Variants in EYA1 observed in about 807,000 individuals in gnomAD.
EYA1 encodes EYA transcriptional coactivator and phosphatase 1.
A neutral mutation model predicts 82.0 loss-of-function variants in EYA1; 16 were observed. The observed-to-expected ratio is 0.20, with a 90% CI of 0.13 to 0.30. The LOEUF (loss-of-function observed/expected upper bound fraction) is 0.30, where lower values mean the gene tolerates loss of function less well. Ranked by LOEUF, EYA1 falls within the 10% of genes least tolerant of loss-of-function variation. The pLI, the probability that EYA1 is intolerant of heterozygous loss-of-function variation, is 1.00. For missense variants in EYA1, 633 were observed against 730.7 expected (o/e 0.87, Z 1.54); for synonymous variants, 261 against 264.4 (o/e 0.99, Z 0.12).
chr8:71,477,756 T>A (rs1031971730), intron 2 of EYA1, among the ~76,000 whole-genome samples: 21 of 152,130 alleles, frequency 1.4e-4, no homozygotes, highest in African/African-American at 4.8e-4. Context: ...GAAAACACAT[T>A]TTTACAACAT....
chr8:71,470,985 G>A (rs1381981814), intron 2 of EYA1: 1 of 421,874 alleles, frequency 2.4e-6, no homozygotes, highest in Non-Finnish European at 4.6e-6. Flanking sequence ...AGACATTTAT[G>A]TTTATTTTCC....
intron 3 of EYA1, among the ~76,000 whole-genome samples, chr8:71,343,253 G>T (rs995392260): frequency 3.9e-5 from 6 of 152,068 alleles, no homozygotes; most frequent in Admixed American, 3.3e-4. Context: ...TTTTGGAGCT[G>T]GTGCTATATT....
chr8:71,239,451 A>C (rs190812365), intron 12 of EYA1, among the ~76,000 whole-genome samples: 225 of 152,350 alleles, frequency 1.5e-3, no homozygotes, highest in African/African-American at 5.1e-3. Context: ...TTCATGGTCA[A>C]CATATATAAG....
At chr8:71,543,052 A>T (rs1276048577) in intron 1 of EYA1, among the ~76,000 whole-genome samples, 1 of 152,112 alleles carries the variant, frequency 6.6e-6, no homozygotes, top group Non-Finnish European at 1.5e-5. Context: ...GAAGCTCTCT[A>T]GATCCCACTT....
chr8:71,227,519 T>A (rs1810699691), intron 12 of EYA1, among the ~76,000 whole-genome samples: 1 of 152,114 alleles, frequency 6.6e-6, no homozygotes, highest in Non-Finnish European at 1.5e-5. Context: ...CTGCAACGGC[T>A]TTCTTTTAAC....
At chr8:71,509,193 C>T (rs1301848022) in intron 2 of EYA1, among the ~76,000 whole-genome samples, 2 of 152,030 alleles carry the variant, frequency 1.3e-5, no homozygotes, top group Non-Finnish European at 2.9e-5. Context: ...CACGACACTG[C>T]ACTGCAGCCT....
intron 11 of EYA1, among the ~76,000 whole-genome samples, chr8:71,247,572 C>T (rs1585984508): frequency 6.6e-6 from 1 of 152,020 alleles, no homozygotes; most frequent in South Asian, 2.1e-4. Context: ...TTTTAATACA[C>T]CTGAAATCTA....
At chr8:71,525,201 C>G (rs969361245) in intron 2 of EYA1, among the ~76,000 whole-genome samples, 1 of 152,182 alleles carries the variant, frequency 6.6e-6, no homozygotes, top group Non-Finnish European at 1.5e-5. Flanking sequence ...CAAACCCACT[C>G]TCCCTCCTCT....
chr8:71,252,227 G>A (rs1813835629), intron 11 of EYA1, among the ~76,000 whole-genome samples: 1 of 151,872 alleles, frequency 6.6e-6, no homozygotes, highest in Non-Finnish European at 1.5e-5. Flanking sequence ...CCAGATGAAG[G>A]CATTGTTGTT....
chr8:71,406,518 C>T (rs1451400375), intron 2 of EYA1, among the ~76,000 whole-genome samples: 1 of 152,188 alleles, frequency 6.6e-6, no homozygotes, highest in Non-Finnish European at 1.5e-5. Context: ...TGGGTGTGTG[C>T]ACCGTGTGCG....
chr8:71,210,078 C>T (rs959664089), intron 17 of EYA1, among the ~76,000 whole-genome samples: 2 of 152,120 alleles, frequency 1.3e-5, no homozygotes, highest in East Asian at 1.9e-4. Context: ...TTACTATCCC[C>T]ATTTATAGAC....
At chr8:71,269,686 T>C in intron 11 of EYA1, 54 bp downstream of exon 11, 1 of 1,243,610 alleles carries the variant, frequency 8.0e-7, no homozygotes, top group South Asian at 1.3e-5. Context: ...AATAAACAAA[T>C]TAGAGGTATA....
At chr8:71,254,762 T>C (rs1814192218) in intron 11 of EYA1, among the ~76,000 whole-genome samples, 1 of 152,132 alleles carries the variant, frequency 6.6e-6, no homozygotes, top group Admixed American at 6.5e-5. Context: ...GCGTCAAAGT[T>C]GTAAAAGAAG....
intron 9 of EYA1, among the ~76,000 whole-genome samples, chr8:71,279,551 G>A (rs980692284): frequency 6.6e-5 from 10 of 152,266 alleles, no homozygotes; most frequent in Non-Finnish European, 1.2e-4. Context: ...TACATCCATT[G>A]GGCATATTTT....
At chr8:71,294,587 C>A (rs1026797026) in intron 9 of EYA1, among the ~76,000 whole-genome samples, 1 of 152,122 alleles carries the variant, frequency 6.6e-6, no homozygotes, top group East Asian at 1.9e-4. Context: ...TAAAAGAAAT[C>A]AAAGAAGATA....
intron 3 of EYA1, among the ~76,000 whole-genome samples, chr8:71,334,893 T>G (rs1478305055): frequency 6.6e-6 from 1 of 152,236 alleles, no homozygotes; most frequent in African/African-American, 2.4e-5. Context: ...GTGAGATAAC[T>G]TTTAGATTTA....
rs545495547 is a variant in EYA1, at chr8:71,414,919, A to C, written c.34-58408T>G. Among the ~76,000 whole-genome samples the C allele has an allele frequency of 7.2e-5, 11 of 152,310 alleles. No homozygotes were observed. In the East Asian group the frequency reaches 2.1e-3, roughly 29 times the overall value. On this transcript the variant is annotated intron_variant, in intron 2 of 18. Coordinates refer to the EYA1 transcript ENST00000643681. ...GACAGTGATTGAAATCTTTGGTTCT[A>C]ATTGAGTTTATGGCTTTCAAGTCAG...
intron 17 of EYA1, among the ~76,000 whole-genome samples, chr8:71,210,587 T>A (rs75128053): frequency 6.6e-6 from 1 of 152,184 alleles, no homozygotes; most frequent in Non-Finnish European, 1.5e-5. Flanking sequence ...CAGAAGAATA[T>A]AATGAACAGC....
At chr8:71,432,562 A>C (rs1805703230) in intron 2 of EYA1, among the ~76,000 whole-genome samples, 2 of 152,112 alleles carry the variant, frequency 1.3e-5, no homozygotes, top group South Asian at 4.1e-4. Context: ...CGCCTTCCCC[A>C]TGTCCTCACA....
Sources: gnomAD v4.1 joint callset for allele counts (sites outside exome capture counted in the v4.1 genomes callset) on GRCh38, gnomAD v4.1.1 for gene constraint, MANE v1.5 for transcripts, NCBI Gene and HGNC (gene_info 2026-07-23, HGNC 2026-07-21) for gene names.